Variants in DCAF6 observed in about 807,000 individuals in gnomAD.
DCAF6 encodes the protein DDB1- and CUL4-associated factor 6.
Under a neutral mutation model 125.1 loss-of-function variants are expected in DCAF6, and 54 were observed. The ratio of observed to expected loss-of-function variants is 0.43; its 90% CI spans 0.35 to 0.54. The LOEUF (loss-of-function observed/expected upper bound fraction) is 0.54, where lower values mean the gene tolerates loss of function less well. Ranked by LOEUF, DCAF6 falls within the 20% of genes least tolerant of loss-of-function variation. The pLI is 0.01. For missense variants in DCAF6, 934 were observed against 1,161.7 expected (o/e 0.80, Z 2.85); for synonymous variants, 371 against 390.4 (o/e 0.95, Z 0.58).
chr1:167,893,934 CAGG>C, the DCAF6 span: 1 of 1,612,968 alleles, frequency 6.2e-7, no homozygotes, highest in Non-Finnish European at 8.5e-7. Flanking sequence ...ATGCAAGCCT[CAGG>C]AGGTCTAAGA....
At chr1:167,888,712 TAA>T in the DCAF6 span, among the ~76,000 whole-genome samples, 18 of 151,726 alleles carry the variant, frequency 1.2e-4, no homozygotes, top group African/African-American at 4.1e-4. Context: ...TCGTCTCTAT[TAA>T]AAACACAAAA....
chr1:168,037,611 TTA>T (rs1491173223), intron 12 of DCAF6, among the ~76,000 whole-genome samples: 1 of 152,178 alleles, frequency 6.6e-6, no homozygotes, highest in Non-Finnish European at 1.5e-5. Context: ...AAATACTCTA[TTA>T]ATTTGTGTAG....
At chr1:167,991,179 A>C in intron 5 of DCAF6, 25 bp from the exon 6 acceptor site, 4 of 1,588,974 alleles carry the variant, frequency 2.5e-6, no homozygotes, top group Non-Finnish European at 3.4e-6. Context: ...ACTATATGTA[A>C]TTGGTATTAT....
At chr1:167,879,434 T>C in the DCAF6 span, among the ~76,000 whole-genome samples, 21 of 152,276 alleles carry the variant, frequency 1.4e-4, no homozygotes, top group Admixed American at 9.2e-4. Context: ...TTGAAAACTA[T>C]TTATTGTGGA....
chr1:168,009,331 T>TTTCCTTCCTTCCTCCCTTCC (rs1683849538), intron 10 of DCAF6, among the ~76,000 whole-genome samples: 2 of 147,352 alleles, frequency 1.4e-5, no homozygotes, highest in Non-Finnish European at 3.0e-5. Flanking sequence ...TCTCTTCTTC[T>TTTCCTTCCTTCCTCCCTTCC]TTCCTTCCTT....
chr1:168,066,162 A>G (rs893068638), intron 19 of DCAF6, among the ~76,000 whole-genome samples: 30 of 152,218 alleles, frequency 2.0e-4, no homozygotes, highest in African/African-American at 7.2e-4. Context: ...TGACTTCAAC[A>G]ATGAATCTGA....
chr1:167,983,221 G>A (rs757860067), intron 4 of DCAF6, among the ~76,000 whole-genome samples: 1 of 152,154 alleles, frequency 6.6e-6, no homozygotes, highest in Non-Finnish European at 1.5e-5. Context: ...TAGTTTGATA[G>A]GAATAGCATT....
chr1:167,885,023 A>G, the DCAF6 span, among the ~76,000 whole-genome samples: 1 of 152,122 alleles, frequency 6.6e-6, no homozygotes, highest in Admixed American at 6.5e-5. Context: ...AGCTCCCACA[A>G]ATAAGTGAGA....
At chr1:167,888,624 C>T in the DCAF6 span, among the ~76,000 whole-genome samples, 1 of 151,984 alleles carries the variant, frequency 6.6e-6, no homozygotes, top group South Asian at 2.1e-4. Context: ...CGCCTGTAAT[C>T]CCAGCACTTT....
chr1:167,881,363 A>C, the DCAF6 span, among the ~76,000 whole-genome samples: 2 of 152,336 alleles, frequency 1.3e-5, no homozygotes, highest in East Asian at 3.9e-4. Flanking sequence ...AGTTTTTGAC[A>C]TGTTACATCC....
Position 168,065,755 on chromosome 1 carries a change from T to C in DCAF6, c.2596+9T>C, listed in dbSNP as rs764397763. On this transcript the variant is annotated intron_variant, in intron 19 of 21. Coordinates refer to ENST00000367840, the MANE Select transcript of DCAF6 (RefSeq NM_001198956.2). ...ACATCCGTTTGACCCAAGTAAGATA[T>C]CTTTTCTAGGACGAGGGCTAGAAAT... The C allele has an allele frequency of 1.9e-6, 3 of 1,607,686 alleles. No individual in the cohort carries two copies. The highest frequency in any genetic ancestry group is 1.7e-5 in the Admixed American group (1 of 58,994).
the DCAF6 span, among the ~76,000 whole-genome samples, chr1:167,921,720 G>T: frequency 5.3e-5 from 8 of 150,752 alleles, no homozygotes; most frequent in South Asian, 2.1e-4. Flanking sequence ...TTAATAAATT[G>T]TTTTTTTTTA....
intron 14 of DCAF6, among the ~76,000 whole-genome samples, chr1:168,043,886 C>T (rs1030036324): frequency 6.6e-6 from 1 of 152,102 alleles, no homozygotes; most frequent in Admixed American, 6.6e-5. Flanking sequence ...AGCTTAACTA[C>T]TTGTTCATGA....
chr1:167,979,117 C>T (rs887156856), intron 4 of DCAF6, among the ~76,000 whole-genome samples: 2 of 151,958 alleles, frequency 1.3e-5, no homozygotes, highest in African/African-American at 4.8e-5. Flanking sequence ...TGTAATCTAT[C>T]TGGATTTGAC....
chr1:167,944,399 TC>T (rs1161639811), intron 1 of DCAF6, among the ~76,000 whole-genome samples: 1 of 152,222 alleles, frequency 6.6e-6, no homozygotes, highest in African/African-American at 2.4e-5. Flanking sequence ...CATACTGTTT[TC>T]CATAGAGGCT....
At chr1:168,018,013 G>A (rs114101251) in intron 11 of DCAF6, among the ~76,000 whole-genome samples, 2,301 of 152,258 alleles carry the variant, frequency 0.015, 55 homozygotes, top group African/African-American at 0.051. Context: ...AAAAAGTATA[G>A]AAAGAATTTC....
At chr1:167,964,550 G>A (rs1014683177) in intron 2 of DCAF6, among the ~76,000 whole-genome samples, 2 of 151,956 alleles carry the variant, frequency 1.3e-5, no homozygotes, top group Non-Finnish European at 2.9e-5. Context: ...CCTGATTATT[G>A]TTCTCTGAGC....
At chr1:167,987,732 G>T in intron 5 of DCAF6, 124 bp downstream of exon 5, 1 of 496,184 alleles carries the variant, frequency 2.0e-6, no homozygotes, top group Non-Finnish European at 3.6e-6. Flanking sequence ...TAAGATTATG[G>T]GTGAATTTTT....
Position 168,068,357 on chromosome 1 carries a change from G to A in DCAF6, c.2686-1G>A. The A allele has an allele frequency of 6.2e-7, 1 of 1,602,168 alleles. No individual in the cohort carries two copies. The highest frequency in any genetic ancestry group is 8.5e-7 in the Non-Finnish European group (1 of 1,171,782). On this transcript the variant is annotated splice_acceptor_variant, in intron 20 of 21. Coordinates refer to ENST00000367840, the MANE Select transcript of DCAF6 (RefSeq NM_001198956.2). LOFTEE classifies it high-confidence loss of function. ...GATACGATTTTTAACTTGCCTTGTA[G>A]GTTATAACTCGAAACGAACTCATGC...
Sources: gnomAD v4.1 joint callset for allele counts (sites outside exome capture counted in the v4.1 genomes callset) on GRCh38, gnomAD v4.1.1 for gene constraint, MANE v1.5 for transcripts, NCBI Gene and HGNC (gene_info 2026-07-23, HGNC 2026-07-21) for gene names.